MBTD1: variants seen among roughly 807,000 people sequenced by gnomAD.
MBTD1 encodes MBT domain-containing protein 1.
In MBTD1, 24 loss-of-function variants were observed where a neutral mutation model predicts 87.8. The ratio of observed to expected loss-of-function variants is 0.27; its 90% CI spans 0.20 to 0.38. The LOEUF is 0.38. Ranked by LOEUF, MBTD1 falls within the 10% of genes least tolerant of loss-of-function variation. The pLI is 1.00. For missense variants in MBTD1, 436 were observed against 760.2 expected (o/e 0.57, Z 5.02); for synonymous variants, 237 against 248.6 (o/e 0.95, Z 0.44).
At chr17:51,187,679 G>A (rs1450875262) in intron 16 of MBTD1, among the ~76,000 whole-genome samples, 7 of 151,770 alleles carry the variant, frequency 4.6e-5, no homozygotes, top group African/African-American at 9.7e-5. Context: ...GTGAAACCCC[G>A]TCTCTACTAA....
intron 2 of MBTD1, among the ~76,000 whole-genome samples, chr17:51,232,526 T>C (rs2053603141): frequency 6.6e-6 from 1 of 151,996 alleles, no homozygotes; most frequent in South Asian, 2.1e-4. Flanking sequence ...CACCAACTTA[T>C]TAGACATGGC....
chr17:51,222,428 A>T (rs1180430129), intron 3 of MBTD1, among the ~76,000 whole-genome samples: 1 of 152,080 alleles, frequency 6.6e-6, no homozygotes, highest in Non-Finnish European at 1.5e-5. Flanking sequence ...TTTTTGAGAC[A>T]CAGTCTCGCT....
At chr17:51,215,682 A>T (rs112761429) in intron 6 of MBTD1, among the ~76,000 whole-genome samples, 7 of 152,304 alleles carry the variant, frequency 4.6e-5, no homozygotes, top group African/African-American at 1.7e-4. Flanking sequence ...ATGTGACACT[A>T]TTATCAACAT....
chr17:51,260,279 C>T (rs961766251), upstream of MBTD1: 5 of 496,110 alleles, frequency 1.0e-5, no homozygotes, highest in East Asian at 7.3e-5. Context: ...AGTGTATAGT[C>T]GGGGTTTCTT....
At chr17:51,256,197 G>A (rs948555656) in intron 2 of MBTD1, 2 of 152,050 alleles carry the variant, frequency 1.3e-5, no homozygotes, top group African/African-American at 2.4e-5. Context: ...TTTAAACAGC[G>A]GGCATAACAT....
chr17:51,253,561 C>G (rs1006121671), intron 2 of MBTD1, among the ~76,000 whole-genome samples: 2 of 152,068 alleles, frequency 1.3e-5, no homozygotes, highest in African/African-American at 4.8e-5. Context: ...ATACACAGAT[C>G]AATATATGTA....
chr17:51,224,328 T>C (rs2053088030), intron 3 of MBTD1, among the ~76,000 whole-genome samples: 3 of 152,178 alleles, frequency 2.0e-5, no homozygotes, highest in African/African-American at 7.2e-5. Context: ...AGAGATAAAC[T>C]AGAACGAAGG....
At chr17:51,260,793 G>C, upstream of MBTD1, 1 of 1,579,780 alleles carries the variant, frequency 6.3e-7, no homozygotes, top group Middle Eastern at 1.9e-4. Context: ...GAGGAAGAGA[G>C]ACGGCTCCGG....
intron 2 of MBTD1, among the ~76,000 whole-genome samples, chr17:51,238,597 T>C (rs576008544): frequency 1.3e-5 from 2 of 152,190 alleles, no homozygotes; most frequent in East Asian, 3.9e-4. Flanking sequence ...AAAATATGAA[T>C]CTTTGTGTTT....
At chr17:51,244,073 T>C (rs1365363857) in intron 2 of MBTD1, among the ~76,000 whole-genome samples, 2 of 152,188 alleles carry the variant, frequency 1.3e-5, no homozygotes, top group African/African-American at 4.8e-5. Context: ...GTATTTCTCC[T>C]TGCAACCAAT....
intron 6 of MBTD1, among the ~76,000 whole-genome samples, chr17:51,212,286 AAGCAG>A (rs2052278812): frequency 6.6e-6 from 1 of 151,852 alleles, no homozygotes; most frequent in African/African-American, 2.4e-5. Context: ...TGAACCCGGG[AAGCAG>A]AGGTTGCAGT....
intron 2 of MBTD1, among the ~76,000 whole-genome samples, chr17:51,233,532 G>C (rs1321380019): frequency 6.6e-6 from 1 of 152,054 alleles, no homozygotes; most frequent in Non-Finnish European, 1.5e-5. Flanking sequence ...CAAAAAGCGA[G>C]TGTGTGTGTA....
In MBTD1 at chr17:51,218,969, A is replaced by G; in HGVS notation, c.364T>C (p.Tyr122His). The change falls in exon 5 of 17, where the codon TAT becomes CAT. Residue 122 changes from tyrosine (Y) to histidine (H), a missense_variant. Tyr to His is a moderately conservative substitution (Grantham distance 83). Around this residue, in one of 5 missense-constraint regions of MBTD1, gnomAD observed 268 missense variants for 401.8 expected, o/e 0.67. Coordinates refer to ENST00000586178, the MANE Select transcript of MBTD1 (RefSeq NM_017643.3). ...LVAKLAAYAQ[Y>H]QATLQNQAKT... ...GCTTGATTTTGCAAGGTAGCTTGAT[A>G]CTGAGCATATGCGGCTAGCTTAGCA... 1 of 1,551,234 alleles carries G rather than the reference A, an allele frequency of 6.4e-7. No individual in the cohort carries two copies. The highest frequency in any genetic ancestry group is 8.7e-7 in the Non-Finnish European group (1 of 1,146,626).
intron 13 of MBTD1, among the ~76,000 whole-genome samples, chr17:51,194,353 TG>T (rs1473113993): frequency 6.6e-6 from 1 of 152,034 alleles, no homozygotes; most frequent in Non-Finnish European, 1.5e-5. Context: ...GTGGATCACT[TG>T]AGGCCAGGAG....
chr17:51,203,728 G>A, intron 8 of MBTD1, 63 bp downstream of exon 8: 1 of 1,508,274 alleles, frequency 6.6e-7, no homozygotes, highest in Non-Finnish European at 9.1e-7. Flanking sequence ...ACATTACTAT[G>A]TGTAAAATAG....
Position 51,213,435 on chromosome 17 carries a change from A to T in MBTD1, c.486+3899T>A, listed in dbSNP as rs375112964. ...AGAAAATAATCTGTGAATTTCTTTG[A>T]TCTATACATTGCACCTAACTGGCAT... is the stretch of plus-strand genomic sequence containing the variant. On this transcript the variant is annotated intron_variant, in intron 6 of 16. Coordinates refer to ENST00000586178, the MANE Select transcript of MBTD1 (RefSeq NM_017643.3). Among the ~76,000 whole-genome samples the T allele has an allele frequency of 2.8e-4, 42 of 152,278 alleles. No homozygotes were observed. The East Asian group carries it at 6.6e-3, about 24-fold the overall frequency.
rs894804572 is a variant in MBTD1 at position 51,259,961 on chromosome 17, C to G, written c.-239G>C. ...CCGGGACTGCGGCGACTACAGGGGG[C>G]CCCCGGCTGGGCCCAGACCGGTGGC... is the stretch of plus-strand genomic sequence containing the variant. On this transcript the variant is annotated 5_prime_UTR_variant, in exon 1 of 17. Transcript: ENST00000586178. 2.8e-6 allele frequency: 3 copies of G among 1,074,968 alleles called. No individual in the cohort carries two copies. The highest frequency in any genetic ancestry group is 4.3e-5 in the Admixed American group (1 of 23,470). 66.6% of individuals were successfully genotyped at this position (1,074,968 alleles called of 1,614,324 possible).
At chr17:51,212,200 A>T (rs1323916875) in intron 6 of MBTD1, among the ~76,000 whole-genome samples, 1 of 152,034 alleles carries the variant, frequency 6.6e-6, no homozygotes, top group Non-Finnish European at 1.5e-5. Context: ...TCTACTAAAA[A>T]TACAAAAATT....
At chr17:51,223,124 C>A (rs1470141707) in intron 3 of MBTD1, among the ~76,000 whole-genome samples, 2 of 151,664 alleles carry the variant, frequency 1.3e-5, no homozygotes, top group Non-Finnish European at 2.9e-5. Flanking sequence ...TCTTTTTAAC[C>A]AAAAGACTAG....
Sources: gnomAD v4.1 joint callset for allele counts (sites outside exome capture counted in the v4.1 genomes callset) on GRCh38, gnomAD v4.1.1 for gene constraint, gnomAD v4.1.1 regional missense constraint, MANE v1.5 for transcripts, NCBI Gene and HGNC (gene_info 2026-07-23, HGNC 2026-07-21) for gene names.